GPC5: variants seen among roughly 807,000 people sequenced by gnomAD.
GPC5 encodes glypican 5.
Under a neutral mutation model 53.9 loss-of-function variants are expected in GPC5, and 47 were observed. That is an observed-to-expected ratio of 0.87 (90% confidence interval 0.69 to 1.11). The LOEUF (loss-of-function observed/expected upper bound fraction) is 1.11, where lower values mean the gene tolerates loss of function less well. GPC5 is among the 50% of genes most tolerant of loss of function. GPC5 has a pLI of 0.00. For synonymous variants in GPC5, 286 were observed against 263.3 expected (o/e 1.09, Z -0.84); for missense variants, 748 against 713.1 (o/e 1.05, Z -0.56).
chr13:91,538,147 T>A (rs1443291229), intron 2 of GPC5, among the ~76,000 whole-genome samples: 1 of 152,206 alleles, frequency 6.6e-6, no homozygotes, highest in African/African-American at 2.4e-5. Flanking sequence ...GAGGTATGAC[T>A]TTTGGATATT....
chr13:92,204,182 A>G (rs1314357305), intron 7 of GPC5, among the ~76,000 whole-genome samples: 2 of 152,310 alleles, frequency 1.3e-5, no homozygotes, highest in African/African-American at 4.8e-5. Flanking sequence ...AAATGATCCT[A>G]GTGAGAGACA....
At chr13:91,762,831 A>G (rs1213858863) in intron 5 of GPC5, among the ~76,000 whole-genome samples, 1 of 152,148 alleles carries the variant, frequency 6.6e-6, no homozygotes, top group Non-Finnish European at 1.5e-5. Context: ...ATGCAACTGT[A>G]TATGCAGCTT....
At chr13:91,524,212 A>G (rs1885978320) in intron 2 of GPC5, among the ~76,000 whole-genome samples, 1 of 152,090 alleles carries the variant, frequency 6.6e-6, no homozygotes, top group Admixed American at 6.5e-5. Context: ...CTTATACTGC[A>G]TTAGTTGTAG....
chr13:91,643,380 C>T (rs1400070908), intron 2 of GPC5, among the ~76,000 whole-genome samples: 1 of 152,088 alleles, frequency 6.6e-6, no homozygotes, highest in Non-Finnish European at 1.5e-5. Context: ...CCTCATTGTC[C>T]AATCTGGGAG....
intron 7 of GPC5, among the ~76,000 whole-genome samples, chr13:92,503,971 G>A (rs1880278666): frequency 6.6e-6 from 1 of 151,838 alleles, no homozygotes; most frequent in South Asian, 2.1e-4. Flanking sequence ...TTGTTTTGAA[G>A]ATTGTTTCTA....
intron 7 of GPC5, among the ~76,000 whole-genome samples, chr13:92,809,019 T>C (rs1479003152): frequency 6.6e-6 from 1 of 152,076 alleles, no homozygotes; most frequent in African/African-American, 2.4e-5. Flanking sequence ...TCCCAAAATA[T>C]CAAACCAGGA....
intron 2 of GPC5, among the ~76,000 whole-genome samples, chr13:91,681,990 A>G (rs1172593083): frequency 6.8e-6 from 1 of 147,844 alleles, no homozygotes; most frequent in Non-Finnish European, 1.5e-5. Flanking sequence ...CAGCTATTTT[A>G]TATAGGGTGT....
chr13:92,737,111 G>A (rs1888956189), intron 7 of GPC5, among the ~76,000 whole-genome samples: 1 of 151,894 alleles, frequency 6.6e-6, no homozygotes. Flanking sequence ...GTTCATCATT[G>A]CATAGCTACT....
chr13:92,761,171 T>A (rs1444624351), intron 7 of GPC5, among the ~76,000 whole-genome samples: 1 of 152,214 alleles, frequency 6.6e-6, no homozygotes, highest in Non-Finnish European at 1.5e-5. Flanking sequence ...ATATTCATTT[T>A]TATAGAGGCA....
chr13:92,412,370 T>G (rs991108419), intron 7 of GPC5, among the ~76,000 whole-genome samples: 1 of 152,102 alleles, frequency 6.6e-6, no homozygotes, highest in Non-Finnish European at 1.5e-5. Flanking sequence ...TTTTAGGAAG[T>G]ATGGAGGATC....
intron 7 of GPC5, among the ~76,000 whole-genome samples, chr13:92,165,917 T>G (rs1163479343): frequency 6.6e-6 from 1 of 152,162 alleles, no homozygotes; most frequent in Non-Finnish European, 1.5e-5. Context: ...TTAGTTTCAG[T>G]GAGCATGATG....
intron 7 of GPC5, chr13:92,446,433 A>G (rs1329574937): frequency 6.7e-6 from 1 of 149,894 alleles, no homozygotes; most frequent in African/African-American, 2.5e-5. Flanking sequence ...AGGATACTAG[A>G]TCCATGTTGT....
At chr13:92,499,769 A>G (rs1880113652) in intron 7 of GPC5, among the ~76,000 whole-genome samples, 1 of 152,148 alleles carries the variant, frequency 6.6e-6, no homozygotes, top group South Asian at 2.1e-4. Flanking sequence ...TAGTTTGGCT[A>G]AGTGAATCTT....
intron 2 of GPC5, among the ~76,000 whole-genome samples, chr13:91,672,997 G>T (rs2035285363): frequency 6.6e-6 from 1 of 151,996 alleles, no homozygotes. Context: ...AAACCAAAGT[G>T]CATGTTCTCA....
chr13:91,945,771 G>C (rs2039969058), intron 6 of GPC5, among the ~76,000 whole-genome samples: 2 of 152,064 alleles, frequency 1.3e-5, no homozygotes, highest in Non-Finnish European at 2.9e-5. Context: ...AAAATGGTTT[G>C]GGACAATTTC....
At chr13:92,224,984 A>T (rs1040594647) in intron 7 of GPC5, among the ~76,000 whole-genome samples, 2 of 152,164 alleles carry the variant, frequency 1.3e-5, no homozygotes, top group Non-Finnish European at 2.9e-5. Flanking sequence ...CAGTCTTGGG[A>T]CCCATGGCAC....
chr13:92,447,468 A>G (rs1284180738), intron 7 of GPC5: 3 of 152,120 alleles, frequency 2.0e-5, no homozygotes, highest in Non-Finnish European at 4.4e-5. Context: ...CACAATAAGA[A>G]TAGAAGCTTT....
intron 5 of GPC5, among the ~76,000 whole-genome samples, chr13:91,783,553 C>T (rs1397287867): frequency 1.3e-5 from 2 of 152,092 alleles, no homozygotes; most frequent in Admixed American, 1.3e-4. Context: ...TATGCCTCAG[C>T]CTCCTGAGTA....
intron 7 of GPC5, among the ~76,000 whole-genome samples, chr13:92,685,558 T>TAATTTTTTTTTTTTA (rs1887243026): frequency 9.1e-6 from 1 of 109,728 alleles, no homozygotes; most frequent in African/African-American, 3.2e-5. Flanking sequence ...TTTTTTTTTT[T>TAATTTTTTTTTTTTA]AATTTTTTTT....
Sources: gnomAD v4.1 joint callset for allele counts (sites outside exome capture counted in the v4.1 genomes callset) on GRCh38, gnomAD v4.1.1 for gene constraint, MANE v1.5 for transcripts, NCBI Gene and HGNC (gene_info 2026-07-23, HGNC 2026-07-21) for gene names.